The following DNASE2 variants were observed in gnomAD, a reference collection of about 807,000 sequenced individuals.
The protein encoded by DNASE2 is deoxyribonuclease-2-alpha.
A neutral mutation model predicts 29.8 loss-of-function variants in DNASE2; 26 were observed. The observed-to-expected ratio is 0.87, with a 90% CI of 0.64 to 1.21. The LOEUF (loss-of-function observed/expected upper bound fraction) is 1.21, where lower values mean the gene tolerates loss of function less well. DNASE2 is among the 50% of genes most tolerant of loss of function. The probability of loss-of-function intolerance (pLI) is 0.00; values close to 1 mark genes in which losing one functional copy is unlikely to be tolerated. For missense variants in DNASE2, 415 were observed against 455.6 expected, an observed-to-expected ratio of 0.91 and a Z score of 0.81; for synonymous variants, 186 against 193.5, an observed-to-expected ratio of 0.96 and a Z score of 0.32.
In DNASE2 at chr19:12,881,376, A is replaced by G; in HGVS notation, c.-1T>C. Reference sequence around the variant, plus strand: ...GCGCTGCCAGCAGCAGCGGGATCATAGCTGCTATGGGGCTGAGATCCAGGA... The same window carrying G: ...GCGCTGCCAGCAGCAGCGGGATCATGGCTGCTATGGGGCTGAGATCCAGGA... On this transcript the variant is annotated 5_prime_UTR_variant, in exon 1 of 6. Transcript: ENST00000222219. The G allele has an allele frequency of 6.4e-7, 1 of 1,557,270 alleles. No individual in the cohort carries two copies. The highest frequency in any genetic ancestry group is 8.7e-7 in the Non-Finnish European group (1 of 1,151,690).
chr19:12,880,102 CAAAAAAA>C (rs71168631), intron 3 of DNASE2, among the ~76,000 whole-genome samples: 5 of 42,460 alleles, frequency 1.2e-4, no homozygotes, highest in African/African-American at 2.1e-4. Flanking sequence ...GAGAGTGCCG[CAAAAAAA>C]AAAAAAAAAA....
At position 12,881,106 on chromosome 19, in the gene DNASE2, C is replaced by T; in HGVS notation, c.133G>A (p.Ala45Thr). ...LPALRGSGEA[A>T]QRGLQYKYLD... The stretch of plus-strand genomic sequence containing the variant: ...TACTTGTACTGCAGCCCTCTCTGCG[C>T]CGCCTCCCCGGACCCTCTAAGAGCT... Residue 45 changes from alanine (A) to threonine (T), a missense_variant, in exon 2 of 6, where the codon GCG (alanine) becomes ACG (threonine). Ala to Thr is a moderately conservative substitution (Grantham distance 58). Transcript: ENST00000222219. 3.7e-6 allele frequency: 6 copies of T among 1,611,912 alleles called. No homozygotes were observed. Among genetic ancestry groups the T allele is most frequent in the Non-Finnish European group, 5.1e-6 (6 of 1,180,002 alleles).
intron 5 of DNASE2, chr19:12,878,008 T>C (rs1325602155): frequency 2.9e-6 from 1 of 340,728 alleles, no homozygotes; most frequent in African/African-American, 2.1e-5. Context: ...AGAGATGAGG[T>C]CTTGCTATGT....
intron 3 of DNASE2, 61 bp from the exon 4 acceptor site, chr19:12,878,895 C>G (rs1970348053): frequency 1.3e-6 from 2 of 1,563,540 alleles, no homozygotes; most frequent in South Asian, 2.3e-5. Flanking sequence ...GTAATCCCAG[C>G]ACTTTGGGAG....
intron 5 of DNASE2, among the ~76,000 whole-genome samples, chr19:12,877,116 A>C (rs936301658): frequency 3.9e-5 from 6 of 152,000 alleles, no homozygotes; most frequent in Non-Finnish European, 8.8e-5. Flanking sequence ...GTAGAGATGG[A>C]GTTTCACCAT....
In DNASE2 at chr19:12,881,157, A is replaced by C. The variant is rs1302433915; in HGVS notation, c.87-5T>G. ...GGCAGCTTGTAGACCACGAACCTGG[A>C]GGTCGGAGAATGCACAGAAATAGGA... On this transcript the variant is annotated splice_region_variant and splice_polypyrimidine_tract_variant and intron_variant, in intron 1 of 5. Transcript: ENST00000222219. 6.2e-7 allele frequency: 1 copy of C among 1,611,726 alleles called. No individual in the cohort carries two copies. The highest frequency in any genetic ancestry group is 8.5e-7 in the Non-Finnish European group (1 of 1,179,992).
chr19:12,877,340 A>T (rs973677256), intron 5 of DNASE2, among the ~76,000 whole-genome samples: 3 of 150,934 alleles, frequency 2.0e-5, no homozygotes, highest in Non-Finnish European at 4.4e-5. Flanking sequence ...CCTGGGCTCA[A>T]GCTGTTCTCC....
chr19:12,880,706 G>C, intron 3 of DNASE2, 96 bp downstream of exon 3: 2 of 1,509,604 alleles, frequency 1.3e-6, no homozygotes, highest in Non-Finnish European at 1.8e-6. Flanking sequence ...CCCAGGGTCT[G>C]ACAGTGCAGA....
In DNASE2 at chr19:12,876,203, G is replaced by A. The variant is rs1970318938; in HGVS notation, c.870C>T (p.Asn290=). ...ACCATTTGGAGTGGTCCTCTGTGCT[G>A]TTGAAGCTTGGGCCGGCTGGTCCAG... ...AFPGPAGPSF[N]STEDHSKWCV... Residue 290 remains asparagine, a synonymous_variant, in exon 6 of 6, where the codon AAC becomes AAT. Coordinates refer to ENST00000222219, the MANE Select transcript of DNASE2 (RefSeq NM_001375.3). The A allele has an allele frequency of 6.2e-7, 1 of 1,614,216 alleles. No homozygotes were observed. Among genetic ancestry groups the A allele is most frequent in the Non-Finnish European group, 8.5e-7 (1 of 1,180,044 alleles).
intron 3 of DNASE2, 44 bp from the exon 4 acceptor site, chr19:12,878,878 C>T: frequency 6.3e-7 from 1 of 1,585,472 alleles, no homozygotes; most frequent in Non-Finnish European, 8.6e-7. Context: ...CGCAGTGGCT[C>T]ACGCCTGTAA....
chr19:12,877,945 A>G, intron 5 of DNASE2: 1 of 307,674 alleles, frequency 3.3e-6, no homozygotes, highest in Admixed American at 4.6e-5. Context: ...TCTGGGCTCA[A>G]TTTATCCTCC....
intron 3 of DNASE2, 126 bp from the exon 4 acceptor site, chr19:12,878,960 T>G: frequency 5.8e-6 from 7 of 1,199,894 alleles, no homozygotes; most frequent in South Asian, 3.9e-5. Flanking sequence ...CTGGCCAACA[T>G]GGCGAAACCC....
intron 5 of DNASE2, among the ~76,000 whole-genome samples, chr19:12,877,329 T>A (rs1013645884): frequency 1.3e-5 from 2 of 151,860 alleles, no homozygotes; most frequent in African/African-American, 4.8e-5. Context: ...AGCCTCGACC[T>A]CCTGGGCTCA....
chr19:12,878,467 T>C lies in DNASE2; in HGVS notation c.624A>G (p.Gln208=). The C allele has an allele frequency of 1.2e-6, 2 of 1,614,004 alleles. No individual in the cohort carries two copies. The highest frequency in any genetic ancestry group is 1.7e-6 in the Non-Finnish European group (2 of 1,180,036). Residue 208 remains glutamine, a synonymous_variant, in exon 5 of 6, where the codon CAA becomes CAG. Coordinates refer to ENST00000222219, the MANE Select transcript of DNASE2 (RefSeq NM_001375.3). The part of the protein sequence containing the change: ...ENVVKGHHVS[Q]EPWNSSITLT... ...GTGTGATGCTGCTGTTCCAGGGTTC[T>C]TGGCTAACGTGGTGGCCCTTGACCA...
At chr19:12,878,984 A>G (rs1970349379) in intron 3 of DNASE2, 150 bp from the exon 4 acceptor site, 4 of 997,892 alleles carry the variant, frequency 4.0e-6, no homozygotes, top group Non-Finnish European at 5.9e-6. Flanking sequence ...CTCTACTAAA[A>G]ATACAAAAAT....
chr19:12,880,733 A>G, intron 3 of DNASE2, 69 bp downstream of exon 3: 1 of 1,586,834 alleles, frequency 6.3e-7, no homozygotes, highest in Non-Finnish European at 8.7e-7. Context: ...CGACCACCCC[A>G]TGCACGTCAG....
intron 3 of DNASE2, among the ~76,000 whole-genome samples, chr19:12,879,439 G>C (rs1337710892): frequency 1.4e-5 from 2 of 137,982 alleles, no homozygotes; most frequent in South Asian, 2.3e-4. Context: ...AGCCGAGATT[G>C]CACCATTGCA....
intron 5 of DNASE2, among the ~76,000 whole-genome samples, chr19:12,877,402 A>T (rs1970333609): frequency 6.7e-6 from 1 of 148,834 alleles, no homozygotes; most frequent in Non-Finnish European, 1.5e-5. Flanking sequence ...ACTATGCCCC[A>T]CTAATTAAAA....
Position 12,875,792 on chromosome 19 carries a change from C to T in DNASE2, c.*198G>A. 1 of 522,300 alleles carries T rather than the reference C, an allele frequency of 1.9e-6. No homozygotes were observed. Among genetic ancestry groups the T allele is most frequent in the Non-Finnish European group, 3.3e-6 (1 of 301,866 alleles). 32.4% of individuals were successfully genotyped at this position (522,300 alleles called of 1,614,324 possible). Reference sequence around the variant, plus strand: ...GTGACCATGATCTCCCTGGTTCAATCGATCCTCTGGCTTCAGTGGCTGGGA... The same window carrying T: ...GTGACCATGATCTCCCTGGTTCAATTGATCCTCTGGCTTCAGTGGCTGGGA... On this transcript the variant is annotated 3_prime_UTR_variant, in exon 6 of 6. Transcript: ENST00000222219.
Sources: allele counts gnomAD v4.1 joint callset (sites outside exome capture counted in the v4.1 genomes callset), GRCh38; gene constraint gnomAD v4.1.1; transcripts MANE v1.5; gene names NCBI Gene and HGNC (gene_info 2026-07-23, HGNC 2026-07-21).